The following PPP1R13B variants were observed in gnomAD, a reference collection of about 807,000 sequenced individuals.
PPP1R13B encodes the protein protein phosphatase 1 regulatory subunit 13B.
In PPP1R13B, 44 loss-of-function variants were observed where a neutral mutation model predicts 119.8. The ratio of observed to expected loss-of-function variants is 0.37; its 90% CI spans 0.29 to 0.47. PPP1R13B has a LOEUF of 0.47. Among genes scored for constraint, PPP1R13B ranks in the 20% least tolerant of loss-of-function variants. PPP1R13B has a pLI of 0.99. For missense variants in PPP1R13B, 1,227 were observed against 1,413.5 expected, an observed-to-expected ratio of 0.87 and a Z score of 2.12; for synonymous variants, 542 against 561.5, an observed-to-expected ratio of 0.97 and a Z score of 0.49.
chr14:103,763,562 ATTCT>A (rs1461251946), intron 4 of PPP1R13B, among the ~76,000 whole-genome samples: 1 of 152,202 alleles, frequency 6.6e-6, no homozygotes, highest in Admixed American at 6.5e-5. Context: ...CCACGTATTC[ATTCT>A]GAGTATAACT....
chr14:103,798,683 A>C (rs1351566341), intron 1 of PPP1R13B, among the ~76,000 whole-genome samples: 1 of 152,126 alleles, frequency 6.6e-6, no homozygotes, highest in Non-Finnish European at 1.5e-5. Context: ...TATTTGAAAA[A>C]ATAAAAATCG....
Position 103,740,174 on chromosome 14 carries a change from A to C in PPP1R13B, c.2242T>G (p.Ser748Ala), listed in dbSNP as rs763330974. The change falls in exon 12 of 17, where the codon TCC becomes GCC. Residue 748 changes from serine (S) to alanine (A), a missense_variant. By Grantham distance (99) the Ser-to-Ala change is moderately conservative. Transcript: ENST00000202556. The surrounding 1 kb of genome is among the most constrained non-coding windows in gnomAD (Gnocchi z 4.6). ...GCCAAGGTGCCCATGAAGTCCTGGGAGGGGCTGGGCTGGTAGAAAGGGGTG... is the reference window on the plus strand; with the variant it reads ...GCCAAGGTGCCCATGAAGTCCTGGGCGGGGCTGGGCTGGTAGAAAGGGGTG... ...EGTPFYQPSP[S>A]QDFMGTLADV... 1.4e-5 allele frequency: 22 copies of C among 1,613,450 alleles called. No individual in the cohort carries two copies. The highest frequency in any genetic ancestry group is 1.1e-5 in the South Asian group (1 of 91,072).
intron 1 of PPP1R13B, among the ~76,000 whole-genome samples, chr14:103,839,204 G>A (rs2086846296): frequency 6.6e-6 from 1 of 151,890 alleles, no homozygotes; most frequent in South Asian, 2.1e-4. Flanking sequence ...AGTAGAGACG[G>A]GATTTCACCG....
intron 15 of PPP1R13B, 148 bp from the exon 16 acceptor site, chr14:103,736,350 A>C (rs908356713): frequency 1.3e-6 from 1 of 782,480 alleles, no homozygotes; most frequent in Non-Finnish European, 2.1e-6. Flanking sequence ...GACACTATTG[A>C]AGACTAGGGC....
In PPP1R13B at chr14:103,803,964, T is replaced by C. The variant is rs187720397; in HGVS notation, c.10-6446A>G. ...CTCCCCTGCTGTAACAGACTGTGGCTATTTATAGTACAACTTTCTTACATT... is the reference window on the plus strand; with the variant it reads ...CTCCCCTGCTGTAACAGACTGTGGCCATTTATAGTACAACTTTCTTACATT... On this transcript the variant is annotated intron_variant, in intron 1 of 16. Coordinates refer to ENST00000202556, the MANE Select transcript of PPP1R13B (RefSeq NM_015316.3). 529 of 803,998 alleles carry C rather than the reference T, an allele frequency of 6.6e-4. 13 individuals carry two copies. Among genetic ancestry groups the C allele is most frequent in the East Asian group, 6.3e-3 (50 of 7,970 alleles). The allele number at this position is 803,998 out of a possible 1,614,324, so 49.8% of individuals were successfully genotyped here.
In PPP1R13B at chr14:103,734,733, C is replaced by CG. The variant is rs1229618436; in HGVS notation, c.*420dup. 15 of 460,830 alleles carry CG rather than the reference C, an allele frequency of 3.3e-5. No individual in the cohort carries two copies. The highest frequency in any genetic ancestry group is 6.8e-5 in the East Asian group (1 of 14,676). The allele number at this position is 460,830 out of a possible 1,614,324, so 28.5% of individuals were successfully genotyped here. A position where few individuals can be genotyped will look rare whatever the true frequency, so the allele number is the denominator to read the frequency against. ...AAAGGATGAGTGTCCGATTCGGTGACGGGGGGCAGGGCGGTCGCAGGGGAG... is the reference window on the plus strand; with the variant it reads ...AAAGGATGAGTGTCCGATTCGGTGACGGGGGGGCAGGGCGGTCGCAGGGGAG... On this transcript the variant is annotated 3_prime_UTR_variant, in exon 17 of 17. Transcript: ENST00000202556.
Position 103,734,232 on chromosome 14 carries a change from G to A in PPP1R13B, c.*922C>T, listed in dbSNP as rs998474178. On this transcript the variant is annotated 3_prime_UTR_variant, in exon 17 of 17. Transcript: ENST00000202556. ...GCCCCAGCTGCTGCTCCTTGGTGGC[G>A]GCCCCTCCTGACACCAGGCGTCTGC... 4.7e-5 allele frequency: 13 copies of A among 276,798 alleles called. No individual in the cohort carries two copies. The highest frequency in any genetic ancestry group is 1.6e-4 in the East Asian group (2 of 12,184). 17.1% of individuals were successfully genotyped at this position (276,798 alleles called of 1,614,324 possible). A position where few individuals can be genotyped will look rare whatever the true frequency, so the allele number is the denominator to read the frequency against.
intron 4 of PPP1R13B, among the ~76,000 whole-genome samples, chr14:103,763,503 A>G (rs1468167659): frequency 6.6e-6 from 1 of 151,918 alleles, no homozygotes; most frequent in Non-Finnish European, 1.5e-5. Flanking sequence ...AGTTGAATAG[A>G]GAGTTGACTT....
chr14:103,784,865 C>A lies in PPP1R13B; in HGVS notation c.207G>T (p.Trp69Cys). 1 of 1,607,588 alleles carries A rather than the reference C, an allele frequency of 6.2e-7. No individual in the cohort carries two copies. Among genetic ancestry groups the A allele is most frequent in the Non-Finnish European group, 8.5e-7 (1 of 1,175,338 alleles). ...ATTTCACTTCTTCCCTCCGTGGACC[C>A]CATTTCTGAAGATGTTCGTACATCA... ...DHMMYEHLQK[W>C]GPRREEVKFF... The change falls in exon 3 of 17, where the codon TGG (tryptophan) becomes TGT (cysteine). Residue 69 changes from tryptophan to cysteine, a missense_variant. By Grantham distance (215) the Trp-to-Cys change is radical (BLOSUM62 -2). Transcript: ENST00000202556.
chr14:103,765,986 T>TTTTTTATTATTATTATTATTA (rs141588292), intron 4 of PPP1R13B, among the ~76,000 whole-genome samples: 2 of 139,076 alleles, frequency 1.4e-5, no homozygotes, highest in African/African-American at 5.5e-5. Flanking sequence ...AAATTTTTAT[T>TTTTTTATTATTATTATTATTA]TTATTATTAT....
chr14:103,742,193 A>G lies in PPP1R13B; in HGVS notation c.1419T>C (p.Pro473=). The part of the protein sequence containing the change: ...GTYPSPTPLG[P]GSTSSLERRK... ...TCCTTTCCAGGGAGCTTGTCGACCC[A>G]GGACCCAGAGGTGTAGGACTTGGGT... The change falls in exon 11 of 17, where the codon CCT becomes CCC. Residue 473 remains proline, a synonymous_variant. Coordinates refer to ENST00000202556, the MANE Select transcript of PPP1R13B (RefSeq NM_015316.3). The surrounding 1 kb of genome is among the most constrained non-coding windows in gnomAD (Gnocchi z 4.9). The G allele has an allele frequency of 1.2e-6, 2 of 1,604,650 alleles. No individual in the cohort carries two copies. Among genetic ancestry groups the G allele is most frequent in the Non-Finnish European group, 1.7e-6 (2 of 1,179,958 alleles).
At position 103,750,022 on chromosome 14, in the gene PPP1R13B, C is replaced by G. The variant is rs578248517; in HGVS notation, c.829-88G>C. On this transcript the variant is annotated intron_variant, in intron 7 of 16. Coordinates refer to ENST00000202556, the MANE Select transcript of PPP1R13B (RefSeq NM_015316.3). The stretch of plus-strand genomic sequence containing the variant: ...AGGGAGATTAAAAAAGAAAAAGTAG[C>G]ATTAAGTTCTCATGTATATTTACAT... 5.6e-6 allele frequency: 8 copies of G among 1,439,520 alleles called. No individual in the cohort carries two copies. In the African/African-American group the frequency reaches 1.0e-4, roughly 18 times the overall value. 89.2% of individuals were successfully genotyped at this position (1,439,520 alleles called of 1,614,324 possible).
intron 9 of PPP1R13B, among the ~76,000 whole-genome samples, chr14:103,743,611 C>T (rs1288158694): frequency 6.6e-6 from 1 of 152,212 alleles, no homozygotes; most frequent in Non-Finnish European, 1.5e-5. Flanking sequence ...ACGCTTCCAG[C>T]GCCATCAGCA....
intron 7 of PPP1R13B, 29 bp from the exon 8 acceptor site, chr14:103,749,963 ATT>A (rs781528153): frequency 6.3e-7 from 1 of 1,597,408 alleles, no homozygotes; most frequent in South Asian, 1.1e-5. Context: ...AACCTTTATG[ATT>A]TGTGTTAATT....
chr14:103,814,278 G>C (rs1290154437), intron 1 of PPP1R13B, among the ~76,000 whole-genome samples: 1 of 152,186 alleles, frequency 6.6e-6, no homozygotes. Flanking sequence ...GAACCTGGGA[G>C]GCCGAGCTTG....
intron 1 of PPP1R13B, among the ~76,000 whole-genome samples, chr14:103,809,515 A>C (rs944279595): frequency 1.3e-5 from 2 of 152,078 alleles, no homozygotes; most frequent in Non-Finnish European, 2.9e-5. Context: ...TCTATCCACT[A>C]AAACTTAAAG....
chr14:103,829,803 G>A (rs913850398), intron 1 of PPP1R13B, among the ~76,000 whole-genome samples: 30 of 151,716 alleles, frequency 2.0e-4, no homozygotes, highest in African/African-American at 7.3e-4. Context: ...TTTTTTAAAC[G>A]CAGTCTCCCT....
intron 2 of PPP1R13B, among the ~76,000 whole-genome samples, chr14:103,789,989 T>C (rs1364973835): frequency 6.6e-6 from 1 of 152,060 alleles, no homozygotes; most frequent in Non-Finnish European, 1.5e-5. Context: ...CTCACGTCCA[T>C]AATCCCAGCA....
chr14:103,735,116 G>C lies in PPP1R13B; in HGVS notation c.*38C>G, dbSNP rs140252150. 1 of 1,612,342 alleles carries C rather than the reference G, an allele frequency of 6.2e-7. No homozygotes were observed. The highest frequency in any genetic ancestry group is 8.5e-7 in the Non-Finnish European group (1 of 1,178,404). ...CACAATAATCTCTTAAGTGGCTCCT[G>C]GTAGCTGGCAAGACCATGCGGTGCT... is the stretch of plus-strand genomic sequence containing the variant. On this transcript the variant is annotated 3_prime_UTR_variant, in exon 17 of 17. Transcript: ENST00000202556.
Sources: allele counts gnomAD v4.1 joint callset (sites outside exome capture counted in the v4.1 genomes callset), GRCh38; gene constraint gnomAD v4.1.1; non-coding constraint Gnocchi (gnomAD v3.1); transcripts MANE v1.5; gene names NCBI Gene and HGNC (gene_info 2026-07-23, HGNC 2026-07-21).